VRK2: variants seen among roughly 807,000 people sequenced by gnomAD.
VRK2 encodes the protein serine/threonine-protein kinase VRK2.
Under a neutral mutation model 57.6 loss-of-function variants are expected in VRK2, and 60 were observed. The ratio of observed to expected loss-of-function variants is 1.04; its 90% CI spans 0.85 to 1.29. The LOEUF is 1.29. Among genes scored for constraint, VRK2 ranks in the 50% most tolerant of loss-of-function variants. The probability of loss-of-function intolerance (pLI) is 0.00; values close to 1 mark genes in which losing one functional copy is unlikely to be tolerated. For missense variants in VRK2, 705 were observed against 588.1 expected (o/e 1.20, Z -2.06); for synonymous variants, 231 against 199.2 (o/e 1.16, Z -1.35).
chr2:58,147,076 A>C (rs1487503143), intron 12 of VRK2: 4 of 474,382 alleles, frequency 8.4e-6, no homozygotes, highest in African/African-American at 8.0e-5. Context: ...ATTTCCCCCA[A>C]ATGATTTGAG....
chr2:58,066,797 C>G (rs1668672489), intron 2 of VRK2, among the ~76,000 whole-genome samples: 1 of 152,064 alleles, frequency 6.6e-6, no homozygotes, highest in Non-Finnish European at 1.5e-5. Flanking sequence ...TTTTAGGTAA[C>G]TTAGTAGTTC....
rs535874314 is a variant in VRK2, at chr2:58,159,425, T to C, written c.1259T>C (p.Ile420Thr). The change falls in exon 13 of 13, where the codon ATC becomes ACC. Residue 420 changes from isoleucine to threonine, a missense_variant. Ile to Thr is a moderately conservative substitution (Grantham distance 89). Coordinates refer to ENST00000340157, the MANE Select transcript of VRK2 (RefSeq NM_006296.7). ...LNEVNSFPQK[I>T]SYTQFPNSFY... ...GAAGTAAACAGTTTCCCACAAAAAA[T>C]CAGCTATACACAATTCCCAAACTCA... 22 of 1,613,532 alleles carry C rather than the reference T, an allele frequency of 1.4e-5. No homozygotes were observed. The South Asian group carries it at 2.4e-4, about 18-fold the overall frequency.
chr2:57,991,446 A>T lies in VRK2; in HGVS notation c.-438-34219A>T, dbSNP rs531973031. Among the ~76,000 whole-genome samples the T allele has an allele frequency of 3.9e-5, 6 of 152,178 alleles. No homozygotes were observed. The East Asian group carries it at 5.8e-4, about 15-fold the overall frequency. ...ATCTGGATATAGTTACCCAGGGAAAAGCATTACAAATAGTTGTTTGGACAG... is the reference window on the plus strand; with the variant it reads ...ATCTGGATATAGTTACCCAGGGAAATGCATTACAAATAGTTGTTTGGACAG... On this transcript the variant is annotated intron_variant, in intron 1 of 15. Coordinates refer to the VRK2 transcript ENST00000417641.
Position 57,970,604 on chromosome 2 carries a change from C to T in VRK2, c.-438-55061C>T, listed in dbSNP as rs1672068163. On this transcript the variant is annotated intron_variant, in intron 1 of 15. Coordinates refer to the VRK2 transcript ENST00000417641. ...GATATTGGAGAAAACCTCACATAAA[C>T]ATATATGCAAGAGTACTTTAAAACA... is the stretch of plus-strand genomic sequence containing the variant. Among the ~76,000 whole-genome samples, 3 of 151,820 alleles carry T rather than the reference C, an allele frequency of 2.0e-5. No individual in the cohort carries two copies. In the South Asian group the frequency reaches 6.2e-4, roughly 31 times the overall value.
intron 1 of VRK2, among the ~76,000 whole-genome samples, chr2:57,950,193 A>G (rs1671382473): frequency 6.6e-6 from 1 of 152,222 alleles, no homozygotes; most frequent in South Asian, 2.1e-4. Context: ...ACAATAAACA[A>G]TACATTTTCC....
chr2:58,026,570 T>C (rs920298045), intron 2 of VRK2, among the ~76,000 whole-genome samples: 4 of 152,196 alleles, frequency 2.6e-5, no homozygotes, highest in Admixed American at 6.5e-5. Flanking sequence ...AGTATGGTTC[T>C]GTTTTATTTT....
rs575987534 is a variant in VRK2 at position 57,947,334 on chromosome 2, T to A, written c.-439+39495T>A. Among the ~76,000 whole-genome samples the A allele has an allele frequency of 1.1e-4, 17 of 152,308 alleles. No homozygotes were observed. The South Asian group carries it at 3.5e-3, about 32-fold the overall frequency. On this transcript the variant is annotated intron_variant, in intron 1 of 15. Coordinates refer to the VRK2 transcript ENST00000417641. ...GGATTAGTATTAGTATGTAATATGT[T>A]GTTGGGCACCAAATATTTTTTTAAA...
At chr2:57,983,924 T>C (rs1672512008) in intron 1 of VRK2, among the ~76,000 whole-genome samples, 1 of 152,176 alleles carries the variant, frequency 6.6e-6, no homozygotes, top group Non-Finnish European at 1.5e-5. Flanking sequence ...AATATTGATA[T>C]AACAGCTTTG....
At chr2:58,017,711 C>T (rs1485238216) in intron 1 of VRK2, among the ~76,000 whole-genome samples, 2 of 152,116 alleles carry the variant, frequency 1.3e-5, no homozygotes, top group Non-Finnish European at 2.9e-5. Context: ...AAAGCACTGA[C>T]ATTAGTATAT....
intron 1 of VRK2, among the ~76,000 whole-genome samples, chr2:57,991,917 C>A (rs1672781021): frequency 1.3e-5 from 2 of 149,778 alleles, no homozygotes; most frequent in African/African-American, 4.9e-5. Flanking sequence ...GAGATCGCGC[C>A]ACTGCACTCC....
At chr2:58,113,889 A>G (rs1675990745) in intron 7 of VRK2, among the ~76,000 whole-genome samples, 1 of 152,136 alleles carries the variant, frequency 6.6e-6, no homozygotes, top group South Asian at 2.1e-4. Flanking sequence ...AATAAGAAAA[A>G]TAAAACAAAA....
chr2:58,068,751 A>G (rs1437037535), intron 2 of VRK2, among the ~76,000 whole-genome samples: 8 of 149,546 alleles, frequency 5.3e-5, no homozygotes, highest in East Asian at 3.9e-4. Context: ...CCTTTGATCT[A>G]TCATCAAGTT....
intron 1 of VRK2, among the ~76,000 whole-genome samples, chr2:57,993,505 A>G (rs1197767739): frequency 6.6e-6 from 1 of 152,052 alleles, no homozygotes; most frequent in Non-Finnish European, 1.5e-5. Flanking sequence ...AGTAGCAAAA[A>G]CTGTTTTAAA....
intron 2 of VRK2, among the ~76,000 whole-genome samples, chr2:58,070,748 T>A (rs1358263124): frequency 6.6e-6 from 1 of 152,154 alleles, no homozygotes; most frequent in Non-Finnish European, 1.5e-5. Flanking sequence ...TTTTTGTCAG[T>A]TGTGAGTAAA....
intron 9 of VRK2, 53 bp downstream of exon 9, chr2:58,131,981 A>T: frequency 6.2e-7 from 1 of 1,604,488 alleles, no homozygotes; most frequent in Non-Finnish European, 8.5e-7. Flanking sequence ...GAAGGGATAC[A>T]TTAAAGGGAG....
intron 1 of VRK2, among the ~76,000 whole-genome samples, chr2:58,013,662 G>A (rs1417974958): frequency 2.0e-5 from 3 of 151,776 alleles, no homozygotes; most frequent in Non-Finnish European, 2.9e-5. Flanking sequence ...ACGAGGTCAG[G>A]AGATCGAGAC....
rs772791503 is a variant in VRK2 at position 58,084,156 on chromosome 2, A to G, written c.186+18A>G. 3 of 1,590,524 alleles carry G rather than the reference A, an allele frequency of 1.9e-6. No individual in the cohort carries two copies. The highest frequency in any genetic ancestry group is 2.6e-6 in the Non-Finnish European group (3 of 1,166,220). ...TAAAAGTGGTAAGTGTTGCTCATAG[A>G]TTTGTATTTCACATATATTTGACTT... On this transcript the variant is annotated intron_variant, in intron 3 of 12. Coordinates refer to ENST00000340157, the MANE Select transcript of VRK2 (RefSeq NM_006296.7).
At chr2:58,079,529 G>A (rs578182799) in intron 2 of VRK2, among the ~76,000 whole-genome samples, 1 of 151,820 alleles carries the variant, frequency 6.6e-6, no homozygotes, top group Admixed American at 6.6e-5. Flanking sequence ...TATTTCAGCT[G>A]CAGGAAAGAG....
At chr2:58,091,931 C>G (rs940661607) in intron 7 of VRK2, among the ~76,000 whole-genome samples, 1 of 152,120 alleles carries the variant, frequency 6.6e-6, no homozygotes, top group African/African-American at 2.4e-5. Context: ...GGTACCAGCA[C>G]TTTTAGAATG....
Sources: allele counts gnomAD v4.1 joint callset (sites outside exome capture counted in the v4.1 genomes callset), GRCh38; gene constraint gnomAD v4.1.1; transcripts MANE v1.5; gene names NCBI Gene and HGNC (gene_info 2026-07-23, HGNC 2026-07-21).